METTL4: variants seen among roughly 807,000 people sequenced by gnomAD.
METTL4 encodes N(6)-adenine-specific methyltransferase METTL4.
In METTL4, 40 loss-of-function variants were observed where a neutral mutation model predicts 54.0. The observed-to-expected ratio is 0.74, with a 90% CI of 0.58 to 0.96. The LOEUF (loss-of-function observed/expected upper bound fraction) is 0.96. METTL4 is among the 50% of genes least tolerant of loss of function. METTL4 has a pLI of 0.00. For synonymous variants in METTL4, 169 were observed against 183.8 expected, an observed-to-expected ratio of 0.92 and a Z score of 0.65; for missense variants, 525 against 549.0, an observed-to-expected ratio of 0.96 and a Z score of 0.44.
Position 2,567,124 on chromosome 18 carries a change from T to A in METTL4, c.93A>T (p.Glu31Asp). ...KINYQLHQHHEPCCRKKEFTT... is the reference protein window; with the variant it reads ...KINYQLHQHHDPCCRKKEFTT... The stretch of plus-strand genomic sequence containing the variant: ...TGAACTCCTTTTTACGGCAACAAGG[T>A]TCATGATGCTGGTGAAGTTGATAGT... The change falls in exon 2 of 9, where the codon GAA becomes GAT. Residue 31 changes from glutamate to aspartate, a missense_variant. Transcript: ENST00000574538. The A allele has an allele frequency of 6.2e-7, 1 of 1,614,088 alleles. No individual in the cohort carries two copies. Among genetic ancestry groups the A allele is most frequent in the Non-Finnish European group, 8.5e-7 (1 of 1,179,982 alleles).
chr18:2,563,944 T>G (rs2072362383), intron 2 of METTL4, 85 bp from the exon 3 acceptor site: 2 of 799,584 alleles, frequency 2.5e-6, no homozygotes, highest in Non-Finnish European at 4.1e-6. Context: ...ATGTCTTATA[T>G]CTGTCTAATA....
At chr18:2,553,829 A>G (rs1414210392) in intron 4 of METTL4, 1 of 152,180 alleles carries the variant, frequency 6.6e-6, no homozygotes, top group Non-Finnish European at 1.5e-5. Flanking sequence ...AAGAAGAGAA[A>G]AAATGTGCAT....
intron 8 of METTL4, among the ~76,000 whole-genome samples, chr18:2,541,694 T>C (rs2071994402): frequency 6.6e-6 from 1 of 152,002 alleles, no homozygotes; most frequent in Admixed American, 6.6e-5. Context: ...AAATGCCATA[T>C]GCTACCAATG....
intron 8 of METTL4, among the ~76,000 whole-genome samples, chr18:2,543,856 G>A (rs183699826): frequency 2.6e-5 from 4 of 152,238 alleles, no homozygotes; most frequent in Admixed American, 2.6e-4. Flanking sequence ...AACAAGCAAG[G>A]GATACAGCCC....
chr18:2,557,164 G>T (rs2072250960), intron 3 of METTL4, among the ~76,000 whole-genome samples: 1 of 151,956 alleles, frequency 6.6e-6, no homozygotes, highest in Non-Finnish European at 1.5e-5. Context: ...CAGTTCACAG[G>T]ACAGAATATC....
intron 3 of METTL4, among the ~76,000 whole-genome samples, chr18:2,556,182 C>T (rs1016671358): frequency 2.0e-5 from 3 of 152,132 alleles, no homozygotes; most frequent in African/African-American, 7.2e-5. Context: ...CCCGAGGAAA[C>T]AATCCTCAGG....
At chr18:2,544,980 T>A (rs2176450) in intron 6 of METTL4, among the ~76,000 whole-genome samples, 1 of 152,150 alleles carries the variant, frequency 6.6e-6, no homozygotes, top group South Asian at 2.1e-4. Flanking sequence ...CAGTCTAACA[T>A]ACTTGAAATA....
rs1042280516 is a variant in METTL4, at chr18:2,542,316, G to C, written c.1273+1879C>G. ...GGTGCGCTGCACCCACTAACTCGTC[G>C]TCTAGCATTAGGTATATCTCCCAAT... is the stretch of plus-strand genomic sequence containing the variant. On this transcript the variant is annotated intron_variant, in intron 8 of 8. Transcript: ENST00000574538. Among the ~76,000 whole-genome samples, 3 of 150,242 alleles carry C rather than the reference G, an allele frequency of 2.0e-5. No homozygotes were observed. The East Asian group carries it at 5.9e-4, about 29-fold the overall frequency.
rs762017191 is a variant in METTL4, at chr18:2,537,767, G to C, written c.*1233C>G. The C allele has an allele frequency of 2.0e-5, 8 of 397,560 alleles. No homozygotes were observed. In the Admixed American group the frequency reaches 2.2e-4, roughly 11 times the overall value. 24.6% of individuals were successfully genotyped at this position (397,560 alleles called of 1,614,324 possible). ...AATATTTGTCAACAATCTGTAAATA[G>C]TATAAATGCTTTTCTCAAAATGCTA... On this transcript the variant is annotated 3_prime_UTR_variant, in exon 9 of 9. Transcript: ENST00000574538.
intron 5 of METTL4, among the ~76,000 whole-genome samples, chr18:2,550,486 T>C (rs1567963983): frequency 6.6e-6 from 1 of 152,196 alleles, no homozygotes; most frequent in Non-Finnish European, 1.5e-5. Context: ...GGTGTAGTAA[T>C]TCCACTTCTA....
Position 2,554,947 on chromosome 18 carries a change from TTGTCC to T in METTL4, c.546_550del (p.Asp183GlyfsTer2). 6.2e-7 allele frequency: 1 copy of T among 1,614,104 alleles called. No homozygotes were observed. The highest frequency in any genetic ancestry group is 1.1e-5 in the South Asian group (1 of 91,084). On this transcript the variant is annotated frameshift_variant, in exon 4 of 9. Transcript: ENST00000574538. LOFTEE classifies it high-confidence loss of function. Reference sequence around the variant, plus strand: ...TGGTAAAGTAATGGGCTTACTACCCTTGTCCTGTTTTTCAAAAAGTGGATAAAGAA... The same window carrying T: ...TGGTAAAGTAATGGGCTTACTACCCTTGTTTTTCAAAAAGTGGATAAAGAA...
intron 8 of METTL4, among the ~76,000 whole-genome samples, chr18:2,543,025 G>A (rs2072016731): frequency 6.6e-6 from 1 of 150,776 alleles, no homozygotes; most frequent in Non-Finnish European, 1.5e-5. Context: ...TCAGGAGGCT[G>A]AGGCAGGAGA....
chr18:2,543,113 CAA>C (rs34850061), intron 8 of METTL4, among the ~76,000 whole-genome samples: 19 of 85,404 alleles, frequency 2.2e-4, no homozygotes, highest in Admixed American at 4.2e-4. Flanking sequence ...GACTCCATCT[CAA>C]AAAAAAAAAA....
Position 2,552,695 on chromosome 18 carries a change from C to G in METTL4, c.899G>C (p.Arg300Thr), listed in dbSNP as rs751989633. 1 of 1,604,616 alleles carries G rather than the reference C, an allele frequency of 6.2e-7. No individual in the cohort carries two copies. Among genetic ancestry groups the G allele is most frequent in the Non-Finnish European group, 8.5e-7 (1 of 1,173,472 alleles). Residue 300 changes from arginine to threonine, a missense_variant and splice_region_variant, in exon 5 of 9, where the codon AGG becomes ACG. Transcript: ENST00000574538. ...AGCAAATGCTTTCATTTCCACTTAC[C>G]TATTACTTCTTTTAACTGATTTGTT... ...WQNKSVKRSN[R>T]YSYLSPLQIQ...
At chr18:2,543,081 G>T (rs116888602) in intron 8 of METTL4, among the ~76,000 whole-genome samples, 1,484 of 142,174 alleles carry the variant, frequency 0.01, 9 homozygotes, top group Middle Eastern at 0.016. Context: ...CCAAGATCAG[G>T]CCACTGTATG....
Position 2,547,560 on chromosome 18 carries a change from A to G in METTL4, c.900-31T>C, listed in dbSNP as rs754639996. On this transcript the variant is annotated intron_variant, in intron 5 of 8. Transcript: ENST00000574538. ...AATAAACGGAAAAAAGGATGAGCAA[A>G]ATTCACTGCAAAAGAAGAAAACTAA... 7.9e-6 allele frequency: 12 copies of G among 1,516,684 alleles called. No individual in the cohort carries two copies. The Admixed American group carries it at 8.4e-5, about 11-fold the overall frequency. 94.0% of individuals were successfully genotyped at this position (1,516,684 alleles called of 1,614,324 possible). A position where few individuals can be genotyped will look rare whatever the true frequency, so the allele number is the denominator to read the frequency against.
chr18:2,547,334 T>C, intron 6 of METTL4, 21 bp downstream of exon 6: 2 of 1,522,626 alleles, frequency 1.3e-6, no homozygotes, highest in Non-Finnish European at 1.8e-6. Context: ...TATTAACAAA[T>C]AAGCTAACTT....
chr18:2,551,100 C>G (rs890161363), intron 5 of METTL4, among the ~76,000 whole-genome samples: 1 of 140,026 alleles, frequency 7.1e-6, no homozygotes, highest in South Asian at 2.2e-4. Flanking sequence ...GGAGGCGGAG[C>G]TTGCAGTGAG....
chr18:2,571,222 G>A lies in METTL4; in HGVS notation c.-512C>T, dbSNP rs1283104389. On this transcript the variant is annotated 5_prime_UTR_variant, in exon 1 of 9. Coordinates refer to ENST00000574538, the MANE Select transcript of METTL4 (RefSeq NM_022840.5). ...TGAAAACAGCACCCATCTAAATAGT[G>A]ATCATGAAAAATGCCCCTTCCAGTC... The A allele has an allele frequency of 1.3e-5, 2 of 152,222 alleles. No homozygotes were observed. The highest frequency in any genetic ancestry group is 2.4e-5 in the African/African-American group (1 of 41,410). The allele number at this position is 152,222 out of a possible 1,614,324, so 9.4% of individuals were successfully genotyped here. A position where few individuals can be genotyped will look rare whatever the true frequency, so the allele number is the denominator to read the frequency against.
Sources: gnomAD v4.1 joint callset for allele counts (sites outside exome capture counted in the v4.1 genomes callset) on GRCh38, gnomAD v4.1.1 for gene constraint, MANE v1.5 for transcripts, NCBI Gene and HGNC (gene_info 2026-07-23, HGNC 2026-07-21) for gene names.